The following VILL variants were observed in gnomAD, a reference collection of about 807,000 sequenced individuals.
VILL encodes the protein villin-like protein.
A neutral mutation model predicts 106.3 loss-of-function variants in VILL; 102 were observed. That is an observed-to-expected ratio of 0.96 (90% confidence interval 0.82 to 1.13). The LOEUF is 1.13. VILL is among the 50% of genes most tolerant of loss of function. The pLI, the probability that VILL is intolerant of heterozygous loss-of-function variation, is 0.00. For synonymous variants in VILL, 431 were observed against 440.3 expected (o/e 0.98, Z 0.27); for missense variants, 1,076 against 1,116.6 (o/e 0.96, Z 0.52).
chr3:37,998,657 C>T lies in VILL; in HGVS notation c.943-255C>T, dbSNP rs1699752203. ...TCTGAGGGTGGGGCTGGGGAGGAGACAGGGCTCTCTCTGTCTGGGGTCCGT... is the reference window on the plus strand; with the variant it reads ...TCTGAGGGTGGGGCTGGGGAGGAGATAGGGCTCTCTCTGTCTGGGGTCCGT... On this transcript the variant is annotated intron_variant, in intron 9 of 19. Coordinates refer to ENST00000383759, the MANE Select transcript of VILL (RefSeq NM_015873.4). The surrounding 1 kb of genome is among the most constrained non-coding windows in gnomAD (Gnocchi z 4.1). Among the ~76,000 whole-genome samples the T allele has an allele frequency of 6.6e-6, 1 of 152,116 alleles. No homozygotes were observed. The highest frequency in any genetic ancestry group is 2.4e-5 in the African/African-American group (1 of 41,428).
In VILL at chr3:37,998,463, C is replaced by A. The variant is rs988785324; in HGVS notation, c.942+99C>A. The stretch of plus-strand genomic sequence containing the variant: ...AGGGTCTAAGGGAGGAATCAGCCCT[C>A]CCCTAGAGTTTGAGTTGGGAAATCC... On this transcript the variant is annotated intron_variant, in intron 9 of 19. Transcript: ENST00000383759. This position sits in a 1 kb window ranked among gnomAD's most constrained non-coding sequence, Gnocchi z 4.1. 4 of 1,094,702 alleles carry A rather than the reference C, an allele frequency of 3.7e-6. No individual in the cohort carries two copies. In the Admixed American group the frequency reaches 8.9e-5, roughly 24 times the overall value. The allele number at this position is 1,094,702 out of a possible 1,614,324, so 67.8% of individuals were successfully genotyped here.
At chr3:38,006,365 G>GT in intron 18 of VILL, 84 bp from the exon 19 acceptor site, 2 of 1,597,552 alleles carry the variant, frequency 1.3e-6, no homozygotes, top group African/African-American at 1.3e-5. Flanking sequence ...GCAGTTGGAG[G>GT]TAAGAGGCCT....
chr3:37,992,744 C>T (rs1436417838), intron 1 of VILL, among the ~76,000 whole-genome samples: 2 of 152,190 alleles, frequency 1.3e-5, no homozygotes, highest in African/African-American at 2.4e-5. Flanking sequence ...CAGCCTCCTC[C>T]GCTCCCACAT....
chr3:37,996,518 G>C (rs1442762491), intron 5 of VILL, among the ~76,000 whole-genome samples: 2 of 152,208 alleles, frequency 1.3e-5, no homozygotes, highest in Non-Finnish European at 2.9e-5. Flanking sequence ...AACGTCTACA[G>C]TGTGAATGGT....
chr3:38,004,480 C>CCAT (rs1699879184), intron 16 of VILL, 81 bp downstream of exon 16: 4 of 1,534,860 alleles, frequency 2.6e-6, no homozygotes, highest in Non-Finnish European at 3.5e-6. Flanking sequence ...GTGTATCTAG[C>CCAT]CATCTGCCTC....
Position 38,006,675 on chromosome 3 carries a change from A to G in VILL, c.2432A>G (p.Glu811Gly). The change falls in exon 19 of 20, where the codon GAG becomes GGG. Residue 811 changes from glutamate to glycine, a missense_variant. By Grantham distance (98) the Glu-to-Gly change is moderately conservative. Coordinates refer to ENST00000383759, the MANE Select transcript of VILL (RefSeq NM_015873.4). ...LMHQAVEDLPEGVDPARREFY... is the reference protein window; with the variant it reads ...LMHQAVEDLPGGVDPARREFY... Reference sequence around the variant, plus strand: ...CACCAGGCTGTTGAGGACCTGCCAGAGGGCGTGGACCCTGCCCGCAGGGAG... The same window carrying G: ...CACCAGGCTGTTGAGGACCTGCCAGGGGGCGTGGACCCTGCCCGCAGGGAG... 1.2e-6 allele frequency: 2 copies of G among 1,611,922 alleles called. No individual in the cohort carries two copies. Among genetic ancestry groups the G allele is most frequent in the Non-Finnish European group, 1.7e-6 (2 of 1,179,272 alleles).
chr3:37,993,480 T>C (rs1037421844), intron 1 of VILL, 107 bp from the exon 2 acceptor site: 24 of 604,820 alleles, frequency 4.0e-5, no homozygotes, highest in Non-Finnish European at 5.8e-5. Flanking sequence ...CCCACTCATA[T>C]CAGCTGAGCC....
At position 38,002,526 on chromosome 3, in the gene VILL, A is replaced by G. The variant is rs1293710982; in HGVS notation, c.1610A>G (p.Asp537Gly). 6.2e-7 allele frequency: 1 copy of G among 1,614,202 alleles called. No homozygotes were observed. The highest frequency in any genetic ancestry group is 2.2e-5 in the East Asian group (1 of 44,886). ...PARASSLNSS[D>G]IFLLVTASVC... ...CGTGCCTCATCCCTCAACTCCAGTG[A>G]CATCTTCTTGCTGGTCACAGCCAGC... The change falls in exon 14 of 20, where the codon GAC becomes GGC. Residue 537 changes from aspartate (D) to glycine (G), a missense_variant. Coordinates refer to ENST00000383759, the MANE Select transcript of VILL (RefSeq NM_015873.4).
chr3:38,003,478 G>A (rs6769106), intron 15 of VILL, 165 bp downstream of exon 15: 210,784 of 920,638 alleles, frequency 0.23, 26,746 homozygotes, highest in African/African-American at 0.45. Context: ...CCCACGCTTC[G>A]CTCCCAGGCC....
In VILL at chr3:37,998,675, G is replaced by C. The variant is rs374574549; in HGVS notation, c.943-237G>C. Among the ~76,000 whole-genome samples, 24 of 152,154 alleles carry C rather than the reference G, an allele frequency of 1.6e-4. No individual in the cohort carries two copies. Among genetic ancestry groups the C allele is most frequent in the Admixed American group, 5.2e-4 (8 of 15,288 alleles). ...GAGGAGACAGGGCTCTCTCTGTCTG[G>C]GGTCCGTGAGGGTTGACATGGCCTG... On this transcript the variant is annotated intron_variant, in intron 9 of 19. Transcript: ENST00000383759. The surrounding 1 kb of genome is among the most constrained non-coding windows in gnomAD (Gnocchi z 4.1).
rs370182077 is a variant in VILL at position 37,994,386 on chromosome 3, G to A, written c.261G>A (p.Leu87=). Residue 87 remains leucine (L), a synonymous_variant, in exon 4 of 20, where the codon CTG becomes CTA. Coordinates refer to ENST00000383759, the MANE Select transcript of VILL (RefSeq NM_015873.4). ...TCCAGCAGCGCCTACAGGACGAGCT[G>A]GGGGGCCAGACCGTGCTGCACCGCG... is the stretch of plus-strand genomic sequence containing the variant. ...EAFQQRLQDE[L]GGQTVLHREA... 6.2e-7 allele frequency: 1 copy of A among 1,612,218 alleles called. No homozygotes were observed. Among genetic ancestry groups the A allele is most frequent in the African/African-American group, 1.3e-5 (1 of 74,922 alleles).
chr3:37,990,471 C>T (rs889355242), upstream of VILL, among the ~76,000 whole-genome samples: 40 of 152,160 alleles, frequency 2.6e-4, no homozygotes, highest in African/African-American at 8.7e-4. This position sits in a 1 kb window ranked among gnomAD's most constrained non-coding sequence, Gnocchi z 5.1. Context: ...GATCAGGGGC[C>T]CATCTAGTAC....
intron 14 of VILL, 42 bp downstream of exon 14, chr3:38,002,617 T>C (rs749971135): frequency 1.3e-6 from 2 of 1,587,574 alleles, no homozygotes; most frequent in South Asian, 1.1e-5. Context: ...CCAGATGTAG[T>C]GGTGCCAGGC....
chr3:38,004,221 G>A (rs1241582069), intron 15 of VILL, 34 bp from the exon 16 acceptor site: 1 of 1,590,016 alleles, frequency 6.3e-7, no homozygotes, highest in Non-Finnish European at 8.6e-7. Context: ...TGCCCCTCTG[G>A]GTGGCTCACA....
chr3:37,993,768 T>C (rs1220664151), intron 2 of VILL, 36 bp downstream of exon 2: 3 of 1,611,920 alleles, frequency 1.9e-6, no homozygotes, highest in African/African-American at 1.3e-5. Context: ...GTTGGTGACA[T>C]GGAAGAGCGT....
intron 10 of VILL, 97 bp from the exon 11 acceptor site, chr3:37,999,242 C>T: frequency 8.5e-7 from 1 of 1,177,702 alleles, no homozygotes; most frequent in Non-Finnish European, 1.1e-6. Context: ...CGCGGCGGGA[C>T]CTGGAATCTT....
chr3:38,004,306 C>A lies in VILL; in HGVS notation c.1857C>A (p.Ser619Arg). ...SFQPRLFECS[S>R]HMGCLVLAEV... ...AGCCACGACTGTTTGAGTGCTCCAG[C>A]CACATGGGCTGCCTGGTCCTCGCAG... The change falls in exon 16 of 20, where the codon AGC becomes AGA. Residue 619 changes from serine to arginine, a missense_variant. Coordinates refer to ENST00000383759, the MANE Select transcript of VILL (RefSeq NM_015873.4). 1 of 1,613,978 alleles carries A rather than the reference C, an allele frequency of 6.2e-7. No individual in the cohort carries two copies. The highest frequency in any genetic ancestry group is 8.5e-7 in the Non-Finnish European group (1 of 1,179,804).
chr3:38,005,365 C>T (rs1488010500), intron 16 of VILL, among the ~76,000 whole-genome samples: 2 of 152,148 alleles, frequency 1.3e-5, no homozygotes, highest in Non-Finnish European at 2.9e-5. Context: ...GGGGCTTTTA[C>T]ACCGGTTGTT....
Position 38,004,329 on chromosome 3 carries a change from C to A in VILL, c.1880C>A (p.Ala627Glu), listed in dbSNP as rs1239740512. 2 of 1,613,852 alleles carry A rather than the reference C, an allele frequency of 1.2e-6. No individual in the cohort carries two copies. The highest frequency in any genetic ancestry group is 1.1e-5 in the South Asian group (1 of 91,036). The change falls in exon 16 of 20, where the codon GCA becomes GAA. Residue 627 changes from alanine (A) to glutamate (E), a missense_variant. Coordinates refer to ENST00000383759, the MANE Select transcript of VILL (RefSeq NM_015873.4). ...CSSHMGCLVL[A>E]EVGFFSQEDL... is the part of the protein sequence containing the mutation. Reference sequence around the variant, plus strand: ...AGCCACATGGGCTGCCTGGTCCTCGCAGAAGTGGGGTTCTTCAGCCAGGAG... The same window carrying A: ...AGCCACATGGGCTGCCTGGTCCTCGAAGAAGTGGGGTTCTTCAGCCAGGAG...
Sources: allele counts gnomAD v4.1 joint callset (sites outside exome capture counted in the v4.1 genomes callset), GRCh38; gene constraint gnomAD v4.1.1; non-coding constraint Gnocchi (gnomAD v3.1); transcripts MANE v1.5; gene names NCBI Gene and HGNC (gene_info 2026-07-23, HGNC 2026-07-21).